Variants in NAALADL2 observed in about 807,000 individuals in gnomAD.
The protein encoded by NAALADL2 is inactive N-acetylated-alpha-linked acidic dipeptidase-like protein 2.
Under a neutral mutation model 87.2 loss-of-function variants are expected in NAALADL2, and 76 were observed. That is an observed-to-expected ratio of 0.87 (90% CI 0.72 to 1.05). NAALADL2 has a LOEUF of 1.05. Ranked by LOEUF, NAALADL2 falls within the 50% of genes least tolerant of loss-of-function variation. NAALADL2 has a pLI of 0.00. For synonymous variants in NAALADL2, 354 were observed against 331.0 expected, an observed-to-expected ratio of 1.07 and a Z score of -0.75; for missense variants, 1,089 against 945.8, an observed-to-expected ratio of 1.15 and a Z score of -1.99.
intron 3 of NAALADL2, among the ~76,000 whole-genome samples, chr3:174,791,266 A>G (rs1717426467): frequency 6.6e-6 from 1 of 152,178 alleles, no homozygotes; most frequent in African/African-American, 2.4e-5. Flanking sequence ...TCTCCTGTGC[A>G]ACTGCTGTGG....
intron 3 of NAALADL2, among the ~76,000 whole-genome samples, chr3:174,814,702 T>C (rs1199498558): frequency 6.6e-6 from 1 of 152,208 alleles, no homozygotes; most frequent in East Asian, 1.9e-4. Context: ...TAAGATCAAC[T>C]GCCATGAAAC....
intron 1 of NAALADL2, among the ~76,000 whole-genome samples, chr3:174,931,995 A>G (rs897290703): frequency 4.6e-5 from 7 of 152,316 alleles, no homozygotes; most frequent in African/African-American, 1.7e-4. Context: ...TGTGTTTTTA[A>G]TAGTTGAAAT....
intron 3 of NAALADL2, among the ~76,000 whole-genome samples, chr3:175,250,969 T>C (rs1168846110): frequency 6.6e-6 from 1 of 152,198 alleles, no homozygotes; most frequent in Non-Finnish European, 1.5e-5. Flanking sequence ...TAACGCTTTA[T>C]GGCACCCATA....
chr3:174,624,117 G>A (rs1015111436), intron 2 of NAALADL2, among the ~76,000 whole-genome samples: 1 of 151,914 alleles, frequency 6.6e-6, no homozygotes, highest in East Asian at 1.9e-4. Context: ...TTTTACAATT[G>A]AGAAAACATT....
intron 8 of NAALADL2, among the ~76,000 whole-genome samples, chr3:175,470,506 T>G (rs993088371): frequency 3.9e-5 from 6 of 152,014 alleles, no homozygotes; most frequent in Admixed American, 1.3e-4. Flanking sequence ...ATGAAAAAAA[T>G]AAAAATAAAA....
chr3:175,787,635 C>T (rs894593800), intron 13 of NAALADL2, among the ~76,000 whole-genome samples: 5 of 152,226 alleles, frequency 3.3e-5, no homozygotes, highest in East Asian at 1.9e-4. Context: ...GAGATGAACC[C>T]GGTACCTCAG....
chr3:174,442,180 A>G (rs1472739968), intron 1 of NAALADL2, among the ~76,000 whole-genome samples: 1 of 152,186 alleles, frequency 6.6e-6, no homozygotes, highest in African/African-American at 2.4e-5. Context: ...TCCTGTCCTC[A>G]GGAGAAGGGA....
intron 11 of NAALADL2, among the ~76,000 whole-genome samples, chr3:175,640,630 T>C (rs899111702): frequency 6.6e-6 from 1 of 152,146 alleles, no homozygotes; most frequent in Non-Finnish European, 1.5e-5. Flanking sequence ...TTATTTACAG[T>C]ATATAGAAAA....
chr3:174,516,585 T>C (rs890082732), intron 1 of NAALADL2, among the ~76,000 whole-genome samples: 1 of 152,094 alleles, frequency 6.6e-6, no homozygotes, highest in African/African-American at 2.4e-5. Context: ...ATTTAATATG[T>C]ATCTTGGTAT....
chr3:174,570,382 ATAAT>A (rs1714789348), intron 2 of NAALADL2, among the ~76,000 whole-genome samples: 4 of 152,146 alleles, frequency 2.6e-5, no homozygotes, highest in African/African-American at 7.2e-5. Context: ...AATTGAGCTC[ATAAT>A]TAAGTAAGAA....
At chr3:175,030,830 A>G (rs961366510) in intron 1 of NAALADL2, among the ~76,000 whole-genome samples, 1 of 152,026 alleles carries the variant, frequency 6.6e-6, no homozygotes, top group Non-Finnish European at 1.5e-5. Flanking sequence ...GAATTTCATA[A>G]TTGTTTATGA....
intron 2 of NAALADL2, among the ~76,000 whole-genome samples, chr3:175,138,871 A>G (rs931574040): frequency 7.5e-6 from 1 of 133,446 alleles, no homozygotes; most frequent in Non-Finnish European, 1.5e-5. Context: ...CCAGAAAAAA[A>G]ATTTCAGCCT....
chr3:175,566,613 AC>A (rs1456205092), intron 9 of NAALADL2, among the ~76,000 whole-genome samples: 16 of 56,168 alleles, frequency 2.8e-4, no homozygotes, highest in African/African-American at 1.1e-3. Flanking sequence ...CAGATTTCTC[AC>A]AGTCCTTCAA....
intron 11 of NAALADL2, among the ~76,000 whole-genome samples, chr3:175,688,993 G>A (rs1736688231): frequency 6.6e-6 from 1 of 152,164 alleles, no homozygotes; most frequent in Admixed American, 6.6e-5. Flanking sequence ...GCTCAGTAAA[G>A]CTTTTGTGAT....
Position 175,737,342 on chromosome 3 carries a change from C to A in NAALADL2, c.1933C>A (p.Pro645Thr), listed in dbSNP as rs755606714. The A allele has an allele frequency of 9.9e-6, 16 of 1,612,364 alleles. No homozygotes were observed. In the African/African-American group the frequency reaches 1.2e-4, roughly 12 times the overall value. ...AGTGATTTTGCAAATTGCCAACGAA[C>A]CTGTTCTGCCCTTTAATGCACTTGA... ...GEVILQIANEPVLPFNALDIA... is the reference protein window; with the variant it reads ...GEVILQIANETVLPFNALDIA... The change falls in exon 12 of 14, where the codon CCT (proline) becomes ACT (threonine). Residue 645 changes from proline (P) to threonine (T), a missense_variant. By Grantham distance (38) the Pro-to-Thr change is conservative. Transcript: ENST00000454872.
intron 1 of NAALADL2, among the ~76,000 whole-genome samples, chr3:175,086,849 T>G (rs1329734698): frequency 1.3e-5 from 2 of 152,186 alleles, no homozygotes; most frequent in Admixed American, 1.3e-4. Context: ...CAGATATAGC[T>G]TATTGCTAGA....
chr3:175,362,892 G>A (rs900180703), intron 5 of NAALADL2, among the ~76,000 whole-genome samples: 1 of 147,862 alleles, frequency 6.8e-6, no homozygotes, highest in Admixed American at 6.9e-5. Flanking sequence ...GAGTAAGGTG[G>A]TATCACCTTG....
intron 9 of NAALADL2, among the ~76,000 whole-genome samples, chr3:175,498,891 C>T (rs936911544): frequency 6.6e-6 from 1 of 152,020 alleles, no homozygotes; most frequent in Non-Finnish European, 1.5e-5. Context: ...CAAAGTAATG[C>T]AATCATGGTA....
intron 1 of NAALADL2, among the ~76,000 whole-genome samples, chr3:174,882,478 C>T (rs9881597): frequency 0.27 from 40,793 of 149,124 alleles, 6,443 homozygotes; most frequent in African/African-American, 0.44. Context: ...TATGTGTATG[C>T]ATACATATGT....
Sources: allele counts gnomAD v4.1 joint callset (sites outside exome capture counted in the v4.1 genomes callset), GRCh38; gene constraint gnomAD v4.1.1; transcripts MANE v1.5; gene names NCBI Gene and HGNC (gene_info 2026-07-23, HGNC 2026-07-21).